WWOX: variants seen among roughly 807,000 people sequenced by gnomAD.
WWOX encodes the protein WW domain-containing oxidoreductase.
WWOX carries 69 observed loss-of-function variants against 46.2 expected under a neutral mutation model. That is an observed-to-expected ratio of 1.49 (90% CI 1.23 to 1.82). The LOEUF (loss-of-function observed/expected upper bound fraction) is 1.82, where lower values mean the gene tolerates loss of function less well. Ranked by LOEUF, WWOX falls within the 40% of genes most tolerant of loss-of-function variation. WWOX has a pLI of 0.00. For missense variants in WWOX, 919 were observed against 542.6 expected, an observed-to-expected ratio of 1.69 and a Z score of -6.89; for synonymous variants, 359 against 202.6, an observed-to-expected ratio of 1.77 and a Z score of -6.56.
At chr16:78,901,604 C>T (rs1035466497) in intron 8 of WWOX, among the ~76,000 whole-genome samples, 3 of 152,220 alleles carry the variant, frequency 2.0e-5, no homozygotes, top group Non-Finnish European at 2.9e-5. Context: ...CCTCCCACCT[C>T]AGCCTCCTGA....
intron 8 of WWOX, among the ~76,000 whole-genome samples, chr16:78,511,586 T>G (rs2085362367): frequency 6.6e-6 from 1 of 152,152 alleles, no homozygotes; most frequent in Non-Finnish European, 1.5e-5. Flanking sequence ...CATCTCCCAA[T>G]ATATTTCTTG....
chr16:79,107,347 C>A (rs547533282), intron 8 of WWOX, among the ~76,000 whole-genome samples: 32 of 152,168 alleles, frequency 2.1e-4, no homozygotes, highest in Non-Finnish European at 4.4e-4. Context: ...CTCGGCCTCC[C>A]AAAGTGCTGG....
intron 8 of WWOX, among the ~76,000 whole-genome samples, chr16:78,571,644 G>A (rs1055133604): frequency 6.6e-6 from 1 of 152,086 alleles, no homozygotes; most frequent in African/African-American, 2.4e-5. Flanking sequence ...CAAGGCAGGT[G>A]GATTACTTGA....
At chr16:78,135,713 AAC>A (rs1355701093) in intron 4 of WWOX, among the ~76,000 whole-genome samples, 1 of 149,714 alleles carries the variant, frequency 6.7e-6, no homozygotes, top group African/African-American at 2.6e-5. Context: ...AACAACAAAC[AAC>A]AAAAAAAACA....
chr16:78,312,035 C>A (rs891061208), intron 5 of WWOX, among the ~76,000 whole-genome samples: 10 of 152,108 alleles, frequency 6.6e-5, no homozygotes, highest in African/African-American at 2.4e-4. Flanking sequence ...TTTTCGGTCA[C>A]CTTCCAGCCA....
chr16:78,991,541 T>C (rs1443772659), intron 8 of WWOX, among the ~76,000 whole-genome samples: 1 of 137,582 alleles, frequency 7.3e-6, no homozygotes. Flanking sequence ...TTTGAGGCTA[T>C]AGTGAGCCAT....
chr16:79,007,771 A>T (rs540433927), intron 8 of WWOX, among the ~76,000 whole-genome samples: 3 of 152,342 alleles, frequency 2.0e-5, no homozygotes, highest in Admixed American at 2.0e-4. Context: ...TTTCTCGGAT[A>T]CCAAAGCTAT....
chr16:78,192,660 C>A (rs1052264618), intron 5 of WWOX, among the ~76,000 whole-genome samples: 1 of 151,966 alleles, frequency 6.6e-6, no homozygotes. Flanking sequence ...CACTGGTGAC[C>A]GTTTGAAATG....
chr16:78,374,642 C>T lies in WWOX; in HGVS notation c.517-12218C>T, dbSNP rs577218436. ...TGGCTCACTGCAAGCTCCGCCTCCT[C>T]GGTTCATGCCATTCTCCTGCCTCAG... is the stretch of plus-strand genomic sequence containing the variant. On this transcript the variant is annotated intron_variant, in intron 5 of 8. Coordinates refer to ENST00000566780, the MANE Select transcript of WWOX (RefSeq NM_016373.4). Among the ~76,000 whole-genome samples, 154 of 148,484 alleles carry T rather than the reference C, an allele frequency of 1.0e-3. 1 individual carries two copies. The highest frequency in any genetic ancestry group is 1.3e-3 in the Non-Finnish European group (87 of 67,508).
chr16:78,525,703 A>G (rs1303830872), intron 8 of WWOX: 2 of 152,092 alleles, frequency 1.3e-5, no homozygotes, highest in Non-Finnish European at 2.9e-5. Flanking sequence ...CAGAGCATTC[A>G]ATGACCGAGA....
intron 8 of WWOX, among the ~76,000 whole-genome samples, chr16:78,984,668 C>A (rs2046749748): frequency 6.6e-6 from 1 of 152,200 alleles, no homozygotes; most frequent in South Asian, 2.1e-4. Context: ...TACAAACTGA[C>A]CCTTAGGAAC....
intron 8 of WWOX, among the ~76,000 whole-genome samples, chr16:78,835,844 C>T (rs772311042): frequency 1.3e-5 from 2 of 152,180 alleles, no homozygotes; most frequent in Non-Finnish European, 2.9e-5. Flanking sequence ...AGGAAAAATT[C>T]AAATCTGAAT....
chr16:79,063,097 C>A (rs758879261), intron 8 of WWOX, among the ~76,000 whole-genome samples: 1 of 152,140 alleles, frequency 6.6e-6, no homozygotes, highest in Non-Finnish European at 1.5e-5. Flanking sequence ...GCCAAATCTC[C>A]CACCAAATCT....
At chr16:78,852,023 C>T (rs1438716766) in intron 8 of WWOX, among the ~76,000 whole-genome samples, 1 of 152,088 alleles carries the variant, frequency 6.6e-6, no homozygotes, top group Non-Finnish European at 1.5e-5. Flanking sequence ...TAATACTGGC[C>T]CCACAATCAA....
intron 8 of WWOX, among the ~76,000 whole-genome samples, chr16:78,836,154 A>ATAAC (rs1265588400): frequency 1.3e-5 from 2 of 151,936 alleles, no homozygotes; most frequent in Non-Finnish European, 2.9e-5. Context: ...TTGTAAGGGT[A>ATAAC]TAACAGCAGT....
At chr16:78,805,675 C>T (rs562075262) in intron 8 of WWOX, among the ~76,000 whole-genome samples, 2 of 152,298 alleles carry the variant, frequency 1.3e-5, no homozygotes, top group Non-Finnish European at 2.9e-5. Context: ...ACTTAAACAG[C>T]TTCTTATTTG....
chr16:78,681,545 A>G (rs567104547), intron 8 of WWOX, among the ~76,000 whole-genome samples: 2 of 96,112 alleles, frequency 2.1e-5, no homozygotes, highest in East Asian at 2.9e-4. Flanking sequence ...TCCTCCATAT[A>G]CAAAAAAAAA....
intron 8 of WWOX, among the ~76,000 whole-genome samples, chr16:78,706,642 C>T (rs2048333787): frequency 6.6e-6 from 1 of 152,172 alleles, no homozygotes; most frequent in Non-Finnish European, 1.5e-5. Flanking sequence ...ATTATGGCAA[C>T]ATTGAAAACT....
intron 8 of WWOX, among the ~76,000 whole-genome samples, chr16:78,855,206 A>T (rs1314463336): frequency 6.6e-6 from 1 of 152,198 alleles, no homozygotes. Context: ...TCATTAATAC[A>T]GGTTTGACCT....
Sources: allele counts gnomAD v4.1 joint callset (sites outside exome capture counted in the v4.1 genomes callset), GRCh38; gene constraint gnomAD v4.1.1; transcripts MANE v1.5; gene names NCBI Gene and HGNC (gene_info 2026-07-23, HGNC 2026-07-21).